Variants in TNS1 observed in about 807,000 individuals in gnomAD.
TNS1 encodes tensin 1, also known as tensin-1.
TNS1 carries 62 observed loss-of-function variants against 168.6 expected under a neutral mutation model. The ratio of observed to expected loss-of-function variants is 0.37; its 90% CI spans 0.30 to 0.45. The LOEUF (loss-of-function observed/expected upper bound fraction) is 0.45, where lower values mean the gene tolerates loss of function less well. Ranked by LOEUF, TNS1 falls within the 20% of genes least tolerant of loss-of-function variation. The pLI is 1.00. For synonymous variants in TNS1, 934 were observed against 933.2 expected (o/e 1.00, Z -0.02); for missense variants, 2,240 against 2,339.4 (o/e 0.96, Z 0.88).
intron 3 of TNS1, among the ~76,000 whole-genome samples, chr2:217,956,395 C>T (rs547981130): frequency 6.6e-6 from 1 of 152,102 alleles, no homozygotes; most frequent in Admixed American, 6.5e-5. Flanking sequence ...ATACAGAGTC[C>T]TGAGGGGCGC....
chr2:217,835,083 A>C lies in TNS1; in HGVS notation c.3280+8T>G. 1 of 1,562,436 alleles carries C rather than the reference A, an allele frequency of 6.4e-7. No individual in the cohort carries two copies. The highest frequency in any genetic ancestry group is 1.2e-5 in the South Asian group (1 of 81,724). Reference sequence around the variant, plus strand: ...ACAGGGAAGACGAGCTTCACAGGGAATTCTTACCCCCACTGGGTGGTGGGC... The same window carrying C: ...ACAGGGAAGACGAGCTTCACAGGGACTTCTTACCCCCACTGGGTGGTGGGC... On this transcript the variant is annotated splice_region_variant and intron_variant, in intron 21 of 32. Transcript: ENST00000682258.
chr2:217,803,609 C>G lies in TNS1; in HGVS notation c.*850G>C, dbSNP rs1382880585. On this transcript the variant is annotated 3_prime_UTR_variant, in exon 33 of 33. Coordinates refer to ENST00000682258, the MANE Select transcript of TNS1 (RefSeq NM_001387777.1). ...ACAGGGCGATGCCATTGCAGACCCT[C>G]CCACTCCTGCTGGGGTCTTTGTAGA... 1 of 152,704 alleles carries G rather than the reference C, an allele frequency of 6.5e-6. No individual in the cohort carries two copies. Among genetic ancestry groups the G allele is most frequent in the African/African-American group, 2.4e-5 (1 of 41,450 alleles). The allele number at this position is 152,704 out of a possible 1,614,324, so 9.5% of individuals were successfully genotyped here. A position where few individuals can be genotyped will look rare whatever the true frequency, so the allele number is the denominator to read the frequency against.
At chr2:217,974,163 T>G (rs1957835851) in intron 3 of TNS1, among the ~76,000 whole-genome samples, 1 of 152,254 alleles carries the variant, frequency 6.6e-6, no homozygotes, top group African/African-American at 2.4e-5. Flanking sequence ...GGGTTGCTTT[T>G]TGGGTGCTGG....
intron 4 of TNS1, among the ~76,000 whole-genome samples, chr2:217,917,829 C>CAAAAAAAAAAAAAAAAAAAAAAAAA (rs79888115): frequency 1.3e-5 from 1 of 75,972 alleles, no homozygotes; most frequent in African/African-American, 4.5e-5. Flanking sequence ...AGACTGTTCT[C>CAAAAAAAAAAAAAAAAAAAAAAAAA]AAAAAAAAAA....
chr2:217,946,776 GTA>G (rs1957116416), intron 3 of TNS1, among the ~76,000 whole-genome samples: 1 of 151,940 alleles, frequency 6.6e-6, no homozygotes, highest in South Asian at 2.1e-4. Context: ...CAGCACCTGG[GTA>G]TAGAACTATA....
At chr2:217,919,619 G>T (rs1225946861) in intron 4 of TNS1, among the ~76,000 whole-genome samples, 2 of 152,242 alleles carry the variant, frequency 1.3e-5, no homozygotes, top group East Asian at 1.9e-4. Flanking sequence ...GTGGAGCAGG[G>T]CCCTCTCTAC....
intron 18 of TNS1, chr2:217,849,553 C>T (rs1050256298): frequency 2.9e-6 from 2 of 693,992 alleles, no homozygotes; most frequent in Admixed American, 1.3e-4. Context: ...CAGTTCCTGG[C>T]ACGTGATGGG....
chr2:217,894,459 C>G (rs1952060367), intron 9 of TNS1, among the ~76,000 whole-genome samples: 1 of 152,174 alleles, frequency 6.6e-6, no homozygotes, highest in African/African-American at 2.4e-5. Context: ...GAGTTTGAAA[C>G]CAGGCTGGCC....
At chr2:218,020,588 T>A (rs1958798926) in intron 1 of TNS1, among the ~76,000 whole-genome samples, 1 of 150,992 alleles carries the variant, frequency 6.6e-6, no homozygotes. Context: ...CTTTTGGGGA[T>A]AGGGTAAACA....
At chr2:217,914,357 T>G (rs1482548353) in intron 4 of TNS1, among the ~76,000 whole-genome samples, 1 of 152,222 alleles carries the variant, frequency 6.6e-6, no homozygotes, top group Admixed American at 6.5e-5. Flanking sequence ...CCTGGACCTC[T>G]GTGGATCTTG....
At chr2:217,978,984 G>C in intron 2 of TNS1, 182 bp from the exon 3 acceptor site, 1 of 602,064 alleles carries the variant, frequency 1.7e-6, no homozygotes, top group Non-Finnish European at 3.0e-6. Flanking sequence ...CCGGGCCTGC[G>C]GGGCGGGAGT....
In TNS1 at chr2:217,871,245, A is replaced by G. The variant is rs568962077; in HGVS notation, c.1429+9653T>C. Among the ~76,000 whole-genome samples, 9 of 152,288 alleles carry G rather than the reference A, an allele frequency of 5.9e-5. No individual in the cohort carries two copies. The East Asian group carries it at 1.7e-3, about 29-fold the overall frequency. The stretch of plus-strand genomic sequence containing the variant: ...GTATCTCAGCCCTTTGTCCTATATG[A>G]TGTGATAGATCAAGGTCAGAAGCTT... On this transcript the variant is annotated intron_variant, in intron 18 of 32. Coordinates refer to ENST00000682258, the MANE Select transcript of TNS1 (RefSeq NM_001387777.1).
chr2:217,820,182 T>C (rs536667057), intron 23 of TNS1, among the ~76,000 whole-genome samples: 1 of 152,118 alleles, frequency 6.6e-6, no homozygotes, highest in African/African-American at 2.4e-5. Flanking sequence ...TCTGGAAGGC[T>C]AATCCCAGGG....
intron 3 of TNS1, among the ~76,000 whole-genome samples, chr2:217,977,158 G>A (rs1957916724): frequency 2.0e-5 from 3 of 152,234 alleles, no homozygotes; most frequent in South Asian, 2.1e-4. Flanking sequence ...AGGGCAGTAC[G>A]AAGGGGTAGA....
rs1176717460 is a variant in TNS1 at position 217,809,548 on chromosome 2, G to C, written c.5273+275C>G. 7.4e-4 allele frequency among the ~76,000 whole-genome samples: 62 copies of C among 84,212 alleles called. 13 individuals carry two copies. Among genetic ancestry groups the C allele is most frequent in the African/African-American group, 2.2e-3 (35 of 15,736 alleles). The allele number at this position is 84,212 out of a possible 152,430, so 55.2% of individuals were successfully genotyped here. On this transcript the variant is annotated intron_variant, in intron 30 of 32. Coordinates refer to ENST00000682258, the MANE Select transcript of TNS1 (RefSeq NM_001387777.1). Reference sequence around the variant, plus strand: ...AGGTGCATGGATGGATGCATGGATGGATGGATGGATGGATGGATGGATGGA... The same window carrying C: ...AGGTGCATGGATGGATGCATGGATGCATGGATGGATGGATGGATGGATGGA...
Position 217,885,173 on chromosome 2 carries a change from G to A in TNS1, c.1117-9C>T. ...TTGTGGTAGCACTTCAGCTGGGTGG[G>A]AAGACGGGCAGAACCAGTCAGGGGC... On this transcript the variant is annotated splice_polypyrimidine_tract_variant and intron_variant, in intron 15 of 32. Transcript: ENST00000682258. The A allele has an allele frequency of 6.2e-7, 1 of 1,614,174 alleles. No homozygotes were observed. Among genetic ancestry groups the A allele is most frequent in the Middle Eastern group, 1.6e-4 (1 of 6,062 alleles).
intron 15 of TNS1, 42 bp from the exon 16 acceptor site, chr2:217,885,206 T>TCA (rs757098991): frequency 1.2e-6 from 2 of 1,613,134 alleles, no homozygotes; most frequent in Admixed American, 3.3e-5. Context: ...GGCCTGAGGC[T>TCA]GGGAGGTCAG....
chr2:217,835,890 G>T, intron 20 of TNS1, 125 bp downstream of exon 20: 1 of 796,908 alleles, frequency 1.3e-6, no homozygotes, highest in Non-Finnish European at 2.0e-6. Context: ...GTTTGGGTGA[G>T]GACGTAGGGG....
chr2:217,933,737 G>A (rs1956450993), intron 3 of TNS1, among the ~76,000 whole-genome samples: 1 of 152,160 alleles, frequency 6.6e-6, no homozygotes, highest in Non-Finnish European at 1.5e-5. Flanking sequence ...ACACTTGCCT[G>A]TCCCATCTGA....
Sources: gnomAD v4.1 joint callset for allele counts (sites outside exome capture counted in the v4.1 genomes callset) on GRCh38, gnomAD v4.1.1 for gene constraint, MANE v1.5 for transcripts, NCBI Gene and HGNC (gene_info 2026-07-23, HGNC 2026-07-21) for gene names.